Variants in PDE4A observed in about 807,000 individuals in gnomAD.
PDE4A encodes phosphodiesterase 4A.
PDE4A carries 21 observed loss-of-function variants against 73.9 expected under a neutral mutation model. The ratio of observed to expected loss-of-function variants is 0.28; its 90% CI spans 0.20 to 0.41. The LOEUF (loss-of-function observed/expected upper bound fraction) is 0.41. Among genes scored for constraint, PDE4A ranks in the 10% least tolerant of loss-of-function variants. PDE4A has a pLI of 1.00. For missense variants in PDE4A, 958 were observed against 1,211.4 expected (o/e 0.79, Z 3.10); for synonymous variants, 463 against 505.4 (o/e 0.92, Z 1.13).
intron 1 of PDE4A, among the ~76,000 whole-genome samples, chr19:10,426,482 C>T (rs947925248): frequency 1.3e-5 from 2 of 152,036 alleles, no homozygotes; most frequent in African/African-American, 4.8e-5. Flanking sequence ...CTTCGCCTTT[C>T]AGTGTGGCCC....
At chr19:10,463,734 C>T (rs2043315553) in intron 13 of PDE4A, 59 bp from the exon 14 acceptor site, 3 of 1,595,776 alleles carry the variant, frequency 1.9e-6, no homozygotes, top group East Asian at 4.5e-5. Context: ...TGCCTGAGGT[C>T]TCAGACTGGG....
chr19:10,416,925 G>A (rs1234538240), upstream of PDE4A: 1 of 1,539,746 alleles, frequency 6.5e-7, no homozygotes, highest in Admixed American at 1.9e-5. Context: ...AGTCCCAACG[G>A]CGCGCTAGGT....
chr19:10,461,209 C>A (rs1174830939), intron 11 of PDE4A, 106 bp downstream of exon 11: 100 of 907,964 alleles, frequency 1.1e-4, no homozygotes, highest in Non-Finnish European at 1.3e-4. Flanking sequence ...GGCCTGGGGG[C>A]GGGGCTGGCT....
rs567424183 is a variant in PDE4A at position 10,467,398 on chromosome 19, C to G, written c.2438C>G (p.Ala813Gly). The G allele has an allele frequency of 3.1e-6, 5 of 1,614,140 alleles. No homozygotes were observed. In the Admixed American group the frequency reaches 6.7e-5, roughly 22 times the overall value. The change falls in exon 15 of 15, where the codon GCC becomes GGC. Residue 813 changes from alanine to glycine, a missense_variant. By Grantham distance (60) the Ala-to-Gly change is moderately conservative. Coordinates refer to ENST00000380702, the MANE Select transcript of PDE4A (RefSeq NM_001111307.2). ...GCTGTAAGCCACAGCAGCCCCTCTG[C>G]CCTGGCTCTTCAAAGCCCCCTTCTC... ...VVAVSHSSPS[A>G]LALQSPLLPA...
At chr19:10,430,829 G>A in intron 1 of PDE4A, 1 of 1,103,218 alleles carries the variant, frequency 9.1e-7, no homozygotes. Flanking sequence ...CGCCGAGGCG[G>A]GGCCGCCCCG....
At chr19:10,443,897 C>T (rs2145514936) in intron 1 of PDE4A, among the ~76,000 whole-genome samples, 1 of 150,818 alleles carries the variant, frequency 6.6e-6, no homozygotes, top group African/African-American at 2.4e-5. Context: ...ATCCCAGCTA[C>T]TCGGGAGGCT....
intron 14 of PDE4A, 54 bp downstream of exon 14, chr19:10,464,029 C>A (rs754121813): frequency 3.4e-5 from 54 of 1,606,286 alleles, no homozygotes; most frequent in Non-Finnish European, 4.5e-5. Flanking sequence ...CCCAGCCCAT[C>A]TTGGCCTGAA....
At chr19:10,461,360 G>A (rs2043265919) in intron 11 of PDE4A, 166 bp from the exon 12 acceptor site, 11 of 962,258 alleles carry the variant, frequency 1.1e-5, no homozygotes, top group Non-Finnish European at 1.4e-5. Context: ...TGGGGGCGGG[G>A]CTGGCTGGGC....
In PDE4A at chr19:10,431,613, G is replaced by A. The variant is rs764864643; in HGVS notation, c.320+10529G>A. On this transcript the variant is annotated intron_variant, in intron 1 of 14. Coordinates refer to ENST00000380702, the MANE Select transcript of PDE4A (RefSeq NM_001111307.2). Reference sequence around the variant, plus strand: ...TTTCTAATGTCCTTATATCCTGGAGGCAGAAGTTGGCAGCCCGGAGTTGGG... The same window carrying A: ...TTTCTAATGTCCTTATATCCTGGAGACAGAAGTTGGCAGCCCGGAGTTGGG... Among the ~76,000 whole-genome samples the A allele has an allele frequency of 3.3e-5, 5 of 152,350 alleles. No individual in the cohort carries two copies. The South Asian group carries it at 6.2e-4, about 19-fold the overall frequency.
At chr19:10,430,923 G>A (rs1343788170) in intron 1 of PDE4A, 4 of 1,510,050 alleles carry the variant, frequency 2.6e-6, no homozygotes, top group African/African-American at 1.4e-5. Flanking sequence ...GGCTGAGGAC[G>A]AGGCGTTCCT....
intron 1 of PDE4A, chr19:10,432,368 C>T: frequency 1.5e-6 from 2 of 1,319,484 alleles, no homozygotes; most frequent in Non-Finnish European, 1.9e-6. Context: ...TGGGCCTGGC[C>T]AGCAGCGCGC....
chr19:10,443,924 T>C (rs563378647), intron 1 of PDE4A, among the ~76,000 whole-genome samples: 5 of 151,440 alleles, frequency 3.3e-5, no homozygotes, highest in African/African-American at 7.3e-5. Flanking sequence ...GGAGAATTGA[T>C]TGAGCCCAGG....
intron 7 of PDE4A, among the ~76,000 whole-genome samples, chr19:10,455,591 A>G (rs982338142): frequency 6.6e-6 from 1 of 152,020 alleles, no homozygotes; most frequent in African/African-American, 2.4e-5. Flanking sequence ...CCAAGATCAC[A>G]CCACTGCGTT....
intron 1 of PDE4A, among the ~76,000 whole-genome samples, chr19:10,444,271 T>C (rs1476754619): frequency 6.6e-6 from 1 of 152,000 alleles, no homozygotes; most frequent in African/African-American, 2.4e-5. Flanking sequence ...TCCCAGCACT[T>C]TGGGAGCCTG....
intron 1 of PDE4A, among the ~76,000 whole-genome samples, chr19:10,429,500 C>T (rs569742808): frequency 6.6e-6 from 1 of 152,236 alleles, no homozygotes; most frequent in East Asian, 1.9e-4. Flanking sequence ...CTATGCCCTG[C>T]TAATTTTTGT....
chr19:10,463,106 T>TC (rs1325691618), intron 13 of PDE4A, among the ~76,000 whole-genome samples: 2 of 151,820 alleles, frequency 1.3e-5, no homozygotes, highest in Non-Finnish European at 2.9e-5. Flanking sequence ...TTTTTGGTTT[T>TC]TTTTTTTTGA....
chr19:10,446,265 T>C lies in PDE4A; in HGVS notation c.368T>C (p.Leu123Pro), dbSNP rs770446820. 3.7e-6 allele frequency: 6 copies of C among 1,601,246 alleles called. No individual in the cohort carries two copies. The East Asian group carries it at 1.1e-4, about 30-fold the overall frequency. Reference protein sequence around the residue: ...GPTPSPGRSPLDSQASPGLVL... With the variant: ...GPTPSPGRSPPDSQASPGLVL... ...ACACCATCTCCTGGCCGCAGCCCCC[T>C]GGACTCGCAGGCGAGCCCAGGACTC... Residue 123 changes from leucine to proline, a missense_variant, in exon 2 of 15, where the codon CTG becomes CCG. By Grantham distance (98) the Leu-to-Pro change is moderately conservative. Transcript: ENST00000380702.
chr19:10,453,307 G>T lies in PDE4A; in HGVS notation c.784-1522G>T. On this transcript the variant is annotated intron_variant, in intron 6 of 14. Transcript: ENST00000380702. This position sits in a 1 kb window ranked among gnomAD's most constrained non-coding sequence, Gnocchi z 4.6. Reference sequence around the variant, plus strand: ...TTCTGCGAGACCTGCTCTAAGCCTTGGCTGGTGGGCTGGTGGGACCAGGTA... The same window carrying T: ...TTCTGCGAGACCTGCTCTAAGCCTTTGCTGGTGGGCTGGTGGGACCAGGTA... The T allele has an allele frequency of 6.2e-7, 1 of 1,613,430 alleles. No homozygotes were observed. Among genetic ancestry groups the T allele is most frequent in the Non-Finnish European group, 8.5e-7 (1 of 1,179,736 alleles).
At chr19:10,448,199 A>G (rs911127435) in intron 2 of PDE4A, among the ~76,000 whole-genome samples, 3 of 150,752 alleles carry the variant, frequency 2.0e-5, no homozygotes, top group African/African-American at 7.3e-5. Flanking sequence ...TCCCGGGTTC[A>G]AGGGATTCTC....
Sources: allele counts gnomAD v4.1 joint callset (sites outside exome capture counted in the v4.1 genomes callset), GRCh38; gene constraint gnomAD v4.1.1; non-coding constraint Gnocchi (gnomAD v3.1); transcripts MANE v1.5; gene names NCBI Gene and HGNC (gene_info 2026-07-23, HGNC 2026-07-21).